TTC28: variants seen among roughly 807,000 people sequenced by gnomAD.
TTC28 encodes the protein tetratricopeptide repeat protein 28.
TTC28 carries 61 observed loss-of-function variants against 198.0 expected under a neutral mutation model. The observed-to-expected ratio is 0.31, with a 90% CI of 0.25 to 0.38. The LOEUF is 0.38. Among genes scored for constraint, TTC28 ranks in the 10% least tolerant of loss-of-function variants. TTC28 has a pLI of 1.00. For synonymous variants in TTC28, 1,171 were observed against 1,297.8 expected (o/e 0.90, Z 2.10); for missense variants, 2,678 against 3,164.0 (o/e 0.85, Z 3.69).
At chr22:28,079,922 T>A (rs1941287780) in intron 12 of TTC28, among the ~76,000 whole-genome samples, 1 of 152,102 alleles carries the variant, frequency 6.6e-6, no homozygotes, top group Non-Finnish European at 1.5e-5. Flanking sequence ...AGAGACAGGG[T>A]CTCACTGTGT....
chr22:28,311,048 G>A (rs2045247437), intron 2 of TTC28, among the ~76,000 whole-genome samples: 1 of 151,854 alleles, frequency 6.6e-6, no homozygotes, highest in African/African-American at 2.4e-5. Flanking sequence ...CCAAAGTGCT[G>A]GATTACAGGC....
intron 6 of TTC28, among the ~76,000 whole-genome samples, chr22:28,110,682 C>G (rs1569145066): frequency 1.3e-5 from 2 of 152,038 alleles, no homozygotes; most frequent in Non-Finnish European, 1.5e-5. Context: ...ACACCTATAA[C>G]CCGGCACTTT....
intron 2 of TTC28, among the ~76,000 whole-genome samples, chr22:28,607,103 A>T (rs1016016516): frequency 6.6e-6 from 1 of 152,152 alleles, no homozygotes; most frequent in Non-Finnish European, 1.5e-5. Context: ...ACAGGCCTTG[A>T]TAAGTTTCTC....
intron 2 of TTC28, among the ~76,000 whole-genome samples, chr22:28,505,431 C>G (rs576450632): frequency 6.6e-6 from 1 of 152,124 alleles, no homozygotes; most frequent in Non-Finnish European, 1.5e-5. Flanking sequence ...GCAACAACAA[C>G]TTGATCCAAG....
At chr22:28,415,323 G>A (rs920057376) in intron 2 of TTC28, among the ~76,000 whole-genome samples, 3 of 152,026 alleles carry the variant, frequency 2.0e-5, no homozygotes, top group Non-Finnish European at 4.4e-5. Flanking sequence ...TTGGAGGCAT[G>A]CAGGTAAGCA....
rs181210668 is a variant in TTC28, at chr22:28,388,546, A to G, written c.382-81903T>C. 1.5e-3 allele frequency among the ~76,000 whole-genome samples: 222 copies of G among 152,202 alleles called. 1 individual carries two copies. The highest frequency in any genetic ancestry group is 5.0e-3 in the African/African-American group (206 of 41,524). The stretch of plus-strand genomic sequence containing the variant: ...TGAGCAGTGGTTTGTAGTTCTCCTT[A>G]AAGAGGTCCTTCACATCCCTTGTAA... On this transcript the variant is annotated intron_variant, in intron 2 of 22. Coordinates refer to ENST00000397906, the MANE Select transcript of TTC28 (RefSeq NM_001145418.2).
intron 2 of TTC28, among the ~76,000 whole-genome samples, chr22:28,557,933 C>A (rs2049810543): frequency 6.6e-6 from 1 of 152,224 alleles, no homozygotes; most frequent in South Asian, 2.1e-4. Flanking sequence ...CACTGCCATG[C>A]TGATATAAAC....
At chr22:28,136,464 A>T (rs1943202112) in intron 6 of TTC28, among the ~76,000 whole-genome samples, 1 of 152,190 alleles carries the variant, frequency 6.6e-6, no homozygotes, top group Non-Finnish European at 1.5e-5. Context: ...CTTATTTTTG[A>T]TTCTGCACTT....
At chr22:28,495,906 AC>A (rs896068380) in intron 2 of TTC28, among the ~76,000 whole-genome samples, 2 of 150,600 alleles carry the variant, frequency 1.3e-5, no homozygotes, top group African/African-American at 4.9e-5. Flanking sequence ...ACAGACTTTC[AC>A]CCCGCCACTC....
In TTC28 at chr22:28,585,507, G is replaced by A. The variant is rs147991685; in HGVS notation, c.381+44045C>T. On this transcript the variant is annotated intron_variant, in intron 2 of 22. Coordinates refer to ENST00000397906, the MANE Select transcript of TTC28 (RefSeq NM_001145418.2). ...GGCAGTAATGCAAGCGATAGAGAGCGGCTGTAAATGCAGATGAAGCTTCGC... is the reference window on the plus strand; with the variant it reads ...GGCAGTAATGCAAGCGATAGAGAGCAGCTGTAAATGCAGATGAAGCTTCGC... Among the ~76,000 whole-genome samples, 270 of 152,258 alleles carry A rather than the reference G, an allele frequency of 1.8e-3. 2 individuals carry two copies. The highest frequency in any genetic ancestry group is 6.2e-3 in the African/African-American group (259 of 41,554).
At chr22:28,169,481 C>T (rs996579791) in intron 5 of TTC28, among the ~76,000 whole-genome samples, 2 of 152,114 alleles carry the variant, frequency 1.3e-5, no homozygotes, top group South Asian at 2.1e-4. Context: ...CCATGGAATA[C>T]TATGCAGCCA....
intron 12 of TTC28, among the ~76,000 whole-genome samples, chr22:28,080,302 C>A (rs917473318): frequency 3.9e-5 from 6 of 152,144 alleles, no homozygotes; most frequent in African/African-American, 1.2e-4. Context: ...ACATTCCCAC[C>A]AACAATGCAC....
chr22:28,673,381 T>C (rs2051921960), intron 1 of TTC28, among the ~76,000 whole-genome samples: 1 of 152,052 alleles, frequency 6.6e-6, no homozygotes, highest in East Asian at 1.9e-4. Context: ...AAAAAAAAAG[T>C]TAACTGCGAA....
chr22:28,458,104 A>T (rs2047892388), intron 2 of TTC28, among the ~76,000 whole-genome samples: 1 of 152,094 alleles, frequency 6.6e-6, no homozygotes, highest in African/African-American at 2.4e-5. Context: ...ATCTCAGTCA[A>T]CTTATTTGGA....
chr22:28,579,911 G>A (rs1452336295), intron 2 of TTC28, among the ~76,000 whole-genome samples: 3 of 151,798 alleles, frequency 2.0e-5, no homozygotes, highest in Non-Finnish European at 2.9e-5. Context: ...CAGAAGTTGC[G>A]GTGAGCCAAG....
intron 2 of TTC28, among the ~76,000 whole-genome samples, chr22:28,589,373 G>C (rs1212460677): frequency 6.6e-6 from 1 of 152,172 alleles, no homozygotes; most frequent in African/African-American, 2.4e-5. Context: ...GACTGTTCAA[G>C]AAATCAGGAG....
At chr22:28,219,282 G>T (rs973947170) in intron 5 of TTC28, among the ~76,000 whole-genome samples, 4 of 152,208 alleles carry the variant, frequency 2.6e-5, no homozygotes, top group Non-Finnish European at 5.9e-5. Context: ...GTCGAGGCAG[G>T]TGGACTGCCT....
intron 5 of TTC28, among the ~76,000 whole-genome samples, chr22:28,249,247 A>G (rs984789230): frequency 6.6e-6 from 1 of 152,120 alleles, no homozygotes; most frequent in Non-Finnish European, 1.5e-5. Context: ...GAGGACAAGA[A>G]CAGTATCTGC....
chr22:28,323,567 G>A (rs550449189), intron 2 of TTC28, among the ~76,000 whole-genome samples: 55 of 152,250 alleles, frequency 3.6e-4, no homozygotes, highest in Middle Eastern at 3.4e-3. Context: ...TTAGAACATA[G>A]AGAGACAAAA....
Sources: gnomAD v4.1 joint callset for allele counts (sites outside exome capture counted in the v4.1 genomes callset) on GRCh38, gnomAD v4.1.1 for gene constraint, MANE v1.5 for transcripts, NCBI Gene and HGNC (gene_info 2026-07-23, HGNC 2026-07-21) for gene names.